Variants in NPSR1 observed in about 807,000 individuals in gnomAD.
NPSR1 encodes neuropeptide S receptor 1.
In NPSR1, 48 loss-of-function variants were observed where a neutral mutation model predicts 46.9. The observed-to-expected ratio is 1.02, with a 90% CI of 0.81 to 1.30. The LOEUF (loss-of-function observed/expected upper bound fraction) is 1.30, where lower values mean the gene tolerates loss of function less well. Ranked by LOEUF, NPSR1 falls within the 50% of genes most tolerant of loss-of-function variation. NPSR1 has a pLI of 0.00. For synonymous variants in NPSR1, 176 were observed against 168.1 expected (o/e 1.05, Z -0.36); for missense variants, 450 against 449.5 (o/e 1.00, Z -0.01).
intron 8 of NPSR1, among the ~76,000 whole-genome samples, chr7:34,874,854 G>C (rs1306253997): frequency 1.3e-5 from 2 of 152,212 alleles, no homozygotes; most frequent in East Asian, 1.9e-4. Flanking sequence ...TGGACTTACT[G>C]CTCCATCAAG....
At chr7:34,672,491 C>T (rs1362938873) in intron 1 of NPSR1, among the ~76,000 whole-genome samples, 2 of 151,906 alleles carry the variant, frequency 1.3e-5, no homozygotes, top group East Asian at 1.9e-4. Flanking sequence ...ACATGCCAAG[C>T]CCTGATCGAA....
At chr7:34,795,148 G>T (rs1446378043) in intron 3 of NPSR1, among the ~76,000 whole-genome samples, 1 of 152,084 alleles carries the variant, frequency 6.6e-6, no homozygotes, top group Non-Finnish European at 1.5e-5. Flanking sequence ...ATATCAATAG[G>T]CTAAAGAAGA....
chr7:34,859,969 G>A (rs771291422), intron 8 of NPSR1, among the ~76,000 whole-genome samples: 2 of 151,732 alleles, frequency 1.3e-5, no homozygotes, highest in South Asian at 2.1e-4. Context: ...ACTGGAACAC[G>A]AATGTTATCT....
chr7:34,786,492 TTCACC>T (rs1787472791), intron 3 of NPSR1, among the ~76,000 whole-genome samples: 1 of 152,190 alleles, frequency 6.6e-6, no homozygotes, highest in Admixed American at 6.5e-5. Context: ...TGTTGATACA[TTCACC>T]TTCTCCCATA....
At chr7:34,877,260 G>A (rs1351438712) in intron 8 of NPSR1, among the ~76,000 whole-genome samples, 4 of 152,130 alleles carry the variant, frequency 2.6e-5, no homozygotes, top group African/African-American at 4.8e-5. Flanking sequence ...ATGCATGGGG[G>A]TGTGGGGGTG....
intron 2 of NPSR1, among the ~76,000 whole-genome samples, chr7:34,725,747 A>C (rs1307546035): frequency 6.6e-6 from 1 of 152,230 alleles, no homozygotes; most frequent in Non-Finnish European, 1.5e-5. Flanking sequence ...CAAAAGACAG[A>C]CATCGGATAA....
At chr7:34,681,009 G>T (rs564996458) in intron 1 of NPSR1, among the ~76,000 whole-genome samples, 6 of 151,702 alleles carry the variant, frequency 4.0e-5, no homozygotes, top group African/African-American at 1.5e-4. Context: ...TAAGTAATGT[G>T]TATGTATATA....
intron 4 of NPSR1, among the ~76,000 whole-genome samples, chr7:34,821,497 A>C (rs1789560189): frequency 6.6e-6 from 1 of 152,200 alleles, no homozygotes; most frequent in Non-Finnish European, 1.5e-5. Context: ...TGTGGTGGAC[A>C]AAAGGACATC....
intron 1 of NPSR1, among the ~76,000 whole-genome samples, chr7:34,678,218 CTTTTTTTT>C (rs869140156): frequency 9.9e-6 from 1 of 100,700 alleles, no homozygotes; most frequent in African/African-American, 4.0e-5. Flanking sequence ...CTTTGCAATT[CTTTTTTTT>C]TTTTTTTTTT....
intron 3 of NPSR1, among the ~76,000 whole-genome samples, chr7:34,804,591 T>C (rs1327867429): frequency 2.0e-5 from 3 of 152,026 alleles, no homozygotes; most frequent in African/African-American, 7.2e-5. Context: ...AGAAATTAGG[T>C]GCTTTTGTCC....
intron 2 of NPSR1, among the ~76,000 whole-genome samples, chr7:34,731,785 TC>T (rs2128714018): frequency 6.6e-6 from 1 of 152,192 alleles, no homozygotes; most frequent in South Asian, 2.1e-4. Context: ...AATGAAGTTT[TC>T]CACATGGCCA....
intron 8 of NPSR1, among the ~76,000 whole-genome samples, chr7:34,868,210 C>T (rs923258073): frequency 5.3e-5 from 8 of 151,590 alleles, no homozygotes; most frequent in African/African-American, 1.2e-4. Context: ...CAGCGATAGC[C>T]AAAAGTGAGA....
intron 2 of NPSR1, among the ~76,000 whole-genome samples, chr7:34,700,191 G>A (rs572876071): frequency 1.3e-5 from 2 of 152,210 alleles, no homozygotes; most frequent in African/African-American, 4.8e-5. Context: ...GTCATAAGGC[G>A]GATGTAACGA....
intron 2 of NPSR1, among the ~76,000 whole-genome samples, chr7:34,722,148 G>C (rs1783890977): frequency 6.6e-6 from 1 of 152,078 alleles, no homozygotes; most frequent in Admixed American, 6.6e-5. Context: ...GGGTATAATA[G>C]TTTCTAAATG....
intron 2 of NPSR1, among the ~76,000 whole-genome samples, chr7:34,720,329 G>C (rs986151332): frequency 1.3e-5 from 2 of 151,348 alleles, no homozygotes; most frequent in South Asian, 4.2e-4. Flanking sequence ...ATGGAGCCCT[G>C]TGTGTCAGGA....
intron 2 of NPSR1, among the ~76,000 whole-genome samples, chr7:34,757,008 G>C (rs1185931115): frequency 1.3e-5 from 2 of 152,090 alleles, no homozygotes; most frequent in African/African-American, 4.8e-5. Flanking sequence ...GTCTATAATT[G>C]TGCCTGAGCT....
chr7:34,676,148 T>G (rs1792306268), intron 1 of NPSR1, among the ~76,000 whole-genome samples: 1 of 152,160 alleles, frequency 6.6e-6, no homozygotes, highest in South Asian at 2.1e-4. Context: ...TTATCACCCC[T>G]CAAATGTACA....
chr7:34,841,731 C>T (rs781144805), intron 6 of NPSR1, among the ~76,000 whole-genome samples: 39 of 152,164 alleles, frequency 2.6e-4, no homozygotes, highest in Non-Finnish European at 4.9e-4. Flanking sequence ...TACTGTCACC[C>T]AGTTGCCCTG....
chr7:34,863,421 A>G (rs895148095), intron 8 of NPSR1, among the ~76,000 whole-genome samples: 1 of 151,870 alleles, frequency 6.6e-6, no homozygotes, highest in African/African-American at 2.4e-5. Context: ...AGCAAAAGAA[A>G]CTAACATCAG....
Sources: allele counts gnomAD v4.1 joint callset (sites outside exome capture counted in the v4.1 genomes callset), GRCh38; gene constraint gnomAD v4.1.1; transcripts MANE v1.5; gene names NCBI Gene and HGNC (gene_info 2026-07-23, HGNC 2026-07-21).